The following CACNA2D4 variants were observed in gnomAD, a reference collection of about 807,000 sequenced individuals.
The protein encoded by CACNA2D4 is voltage-dependent calcium channel subunit alpha-2/delta-4.
In CACNA2D4, 157 loss-of-function variants were observed where a neutral mutation model predicts 163.8. The observed-to-expected ratio is 0.96, with a 90% CI of 0.84 to 1.09. CACNA2D4 has a LOEUF of 1.09. CACNA2D4 is among the 50% of genes least tolerant of loss of function. The pLI is 0.00. For missense variants in CACNA2D4, 1,410 were observed against 1,479.9 expected (o/e 0.95, Z 0.78); for synonymous variants, 598 against 586.9 (o/e 1.02, Z -0.27).
rs944072073 is a variant in CACNA2D4, at chr12:1,798,174, C to G, written c.2996-639G>C. On this transcript the variant is annotated intron_variant, in intron 34 of 37. Coordinates refer to ENST00000382722, the MANE Select transcript of CACNA2D4 (RefSeq NM_172364.5). This position sits in a 1 kb window ranked among gnomAD's most constrained non-coding sequence, Gnocchi z 4.3. ...CCTGGGACAAGGACAGTGGACTCAA[C>G]CAAAGGTGGAGGCGAGTGCCTCAGC... Among the ~76,000 whole-genome samples the G allele has an allele frequency of 6.6e-6, 1 of 152,194 alleles. No individual in the cohort carries two copies. Among genetic ancestry groups the G allele is most frequent in the Non-Finnish European group, 1.5e-5 (1 of 68,020 alleles).
intron 29 of CACNA2D4, among the ~76,000 whole-genome samples, chr12:1,805,750 C>T (rs979642295): frequency 5.9e-5 from 9 of 152,320 alleles, no homozygotes; most frequent in Middle Eastern, 3.4e-3. Context: ...CCATTTGGGA[C>T]GCCAGGAAGG....
intron 32 of CACNA2D4, 30 bp from the exon 33 acceptor site, chr12:1,800,082 C>T (rs759605454): frequency 7.0e-6 from 11 of 1,575,028 alleles, no homozygotes; most frequent in Admixed American, 1.8e-5. Context: ...ATCTCGGAGA[C>T]CTCTGAGCCC....
intron 18 of CACNA2D4, among the ~76,000 whole-genome samples, chr12:1,864,905 T>G (rs1565717864): frequency 6.6e-6 from 1 of 152,036 alleles, no homozygotes; most frequent in Non-Finnish European, 1.5e-5. Flanking sequence ...GGATTCCTCG[T>G]AGGAAAATCC....
chr12:1,796,343 A>G (rs1863126566), intron 35 of CACNA2D4, among the ~76,000 whole-genome samples: 1 of 152,206 alleles, frequency 6.6e-6, no homozygotes, highest in South Asian at 2.1e-4. Context: ...TCACACACCC[A>G]ACGTGCACAC....
rs145947947 is a variant in CACNA2D4, at chr12:1,854,526, C to T, written c.2153-482G>A. On this transcript the variant is annotated intron_variant, in intron 22 of 37. Coordinates refer to ENST00000382722, the MANE Select transcript of CACNA2D4 (RefSeq NM_172364.5). ...GTTTAAGCAATTCTCCTGCCTCAGCCTCCCAAGTAGCTGGGACCACAGGTG... is the reference window on the plus strand; with the variant it reads ...GTTTAAGCAATTCTCCTGCCTCAGCTTCCCAAGTAGCTGGGACCACAGGTG... Among the ~76,000 whole-genome samples the T allele has an allele frequency of 5.9e-5, 9 of 152,322 alleles. 1 individual carries two copies. The highest frequency in any genetic ancestry group is 1.9e-4 in the African/African-American group (8 of 41,576).
chr12:1,810,219 C>A (rs774229245), intron 29 of CACNA2D4, 59 bp downstream of exon 29: 167 of 1,430,362 alleles, frequency 1.2e-4, no homozygotes, highest in Non-Finnish European at 1.5e-4. Flanking sequence ...AGTGGCTGCC[C>A]AATGTCTCCA....
At position 1,801,653 on chromosome 12, in the gene CACNA2D4, G is replaced by T; in HGVS notation, c.2722-9C>A. On this transcript the variant is annotated splice_polypyrimidine_tract_variant and intron_variant, in intron 29 of 37. Transcript: ENST00000382722. ...CCCAGAAATCTTCCCGTCTGTGAGA[G>T]AGGGACAGCAGAGAGAGAGGGAGGG... is the stretch of plus-strand genomic sequence containing the variant. The T allele has an allele frequency of 6.4e-7, 1 of 1,571,356 alleles. No homozygotes were observed. The highest frequency in any genetic ancestry group is 8.7e-7 in the Non-Finnish European group (1 of 1,154,752).
chr12:1,794,259 G>T (rs1251850394), intron 37 of CACNA2D4, among the ~76,000 whole-genome samples: 1 of 152,200 alleles, frequency 6.6e-6, no homozygotes, highest in Non-Finnish European at 1.5e-5. Flanking sequence ...CCTAGGAAGC[G>T]TGGCTCTTCG....
intron 8 of CACNA2D4, 83 bp from the exon 9 acceptor site, chr12:1,886,122 A>G: frequency 6.5e-7 from 1 of 1,533,302 alleles, no homozygotes; most frequent in Non-Finnish European, 9.0e-7. Context: ...AAAGACACTC[A>G]TGCAGGTCAC....
intron 6 of CACNA2D4, among the ~76,000 whole-genome samples, chr12:1,906,593 G>A (rs1183612289): frequency 6.6e-6 from 1 of 152,314 alleles, no homozygotes; most frequent in East Asian, 1.9e-4. Flanking sequence ...GATGTGGCAG[G>A]AATATTTACA....
chr12:1,827,090 G>A (rs1410191357), intron 26 of CACNA2D4, among the ~76,000 whole-genome samples: 1 of 152,224 alleles, frequency 6.6e-6, no homozygotes, highest in Non-Finnish European at 1.5e-5. Context: ...GGAGCCCGTG[G>A]AGGGCGAAGG....
At chr12:1,871,536 T>C (rs1865780953) in intron 18 of CACNA2D4, among the ~76,000 whole-genome samples, 1 of 150,560 alleles carries the variant, frequency 6.6e-6, no homozygotes, top group Middle Eastern at 3.2e-3. Flanking sequence ...GTGCCACTGA[T>C]GTGTGCGTGT....
chr12:1,802,695 G>A lies in CACNA2D4; in HGVS notation c.2722-1051C>T, dbSNP rs919760690. Among the ~76,000 whole-genome samples the A allele has an allele frequency of 2.0e-5, 3 of 152,244 alleles. No homozygotes were observed. The highest frequency in any genetic ancestry group is 7.2e-5 in the African/African-American group (3 of 41,460). ...AAATACTTGAAAAATGGCAGCCATC[G>A]TTAGGAGGAGAGGTCCGGGGTCCGG... On this transcript the variant is annotated intron_variant, in intron 29 of 37. Transcript: ENST00000382722. The surrounding 1 kb of genome is among the most constrained non-coding windows in gnomAD (Gnocchi z 4.7).
intron 27 of CACNA2D4, among the ~76,000 whole-genome samples, chr12:1,811,138 G>C (rs1863693545): frequency 6.6e-6 from 1 of 152,242 alleles, no homozygotes; most frequent in African/African-American, 2.4e-5. Context: ...GCAAGTGATG[G>C]GGGCCGAGGG....
rs763178846 is a variant in CACNA2D4 at position 1,799,363 on chromosome 12, G to A, written c.2995+312C>T. On this transcript the variant is annotated intron_variant, in intron 34 of 37. Coordinates refer to ENST00000382722, the MANE Select transcript of CACNA2D4 (RefSeq NM_172364.5). This position sits in a 1 kb window ranked among gnomAD's most constrained non-coding sequence, Gnocchi z 4.7. ...TGTTTGCTTCTCCAAGGGGTGGGCTGGAGGTTGCTCACTCATACTGGCTCA... is the reference window on the plus strand; with the variant it reads ...TGTTTGCTTCTCCAAGGGGTGGGCTAGAGGTTGCTCACTCATACTGGCTCA... 2.1e-4 allele frequency among the ~76,000 whole-genome samples: 32 copies of A among 152,024 alleles called. No homozygotes were observed. The highest frequency in any genetic ancestry group is 4.1e-4 in the Non-Finnish European group (28 of 68,018).
At chr12:1,825,679 T>C (rs1303642467) in intron 26 of CACNA2D4, among the ~76,000 whole-genome samples, 1 of 152,206 alleles carries the variant, frequency 6.6e-6, no homozygotes. Flanking sequence ...TGTGTTTGCA[T>C]CACGTGCTGT....
chr12:1,823,599 C>A (rs1225027185), intron 26 of CACNA2D4, among the ~76,000 whole-genome samples: 1 of 151,932 alleles, frequency 6.6e-6, no homozygotes, highest in Non-Finnish European at 1.5e-5. Context: ...AGAGCTCCGG[C>A]CTACTCCCCT....
intron 16 of CACNA2D4, among the ~76,000 whole-genome samples, chr12:1,876,188 A>G (rs1409079236): frequency 6.6e-6 from 1 of 152,200 alleles, no homozygotes; most frequent in Non-Finnish European, 1.5e-5. Flanking sequence ...TCTGAATACT[A>G]ATTTTCTCAT....
chr12:1,859,984 A>C (rs1865487709), intron 19 of CACNA2D4, among the ~76,000 whole-genome samples, 161 bp downstream of exon 19: 1 of 152,214 alleles, frequency 6.6e-6, no homozygotes, highest in Non-Finnish European at 1.5e-5. Context: ...TGGCTCTGGA[A>C]CCTGCATTCT....
Sources: gnomAD v4.1 joint callset for allele counts (sites outside exome capture counted in the v4.1 genomes callset) on GRCh38, gnomAD v4.1.1 for gene constraint, Gnocchi (gnomAD v3.1) non-coding constraint, MANE v1.5 for transcripts, NCBI Gene and HGNC (gene_info 2026-07-23, HGNC 2026-07-21) for gene names.